Variants in ZMYND8 observed in about 807,000 individuals in gnomAD.
The protein encoded by ZMYND8 is zinc finger MYND-type containing 8.
Under a neutral mutation model 140.8 loss-of-function variants are expected in ZMYND8, and 37 were observed. That is an observed-to-expected ratio of 0.26 (90% CI 0.20 to 0.35). The LOEUF is 0.35. Ranked by LOEUF, ZMYND8 falls within the 10% of genes least tolerant of loss-of-function variation. The probability of loss-of-function intolerance (pLI) is 1.00; values close to 1 mark genes in which losing one functional copy is unlikely to be tolerated. For missense variants in ZMYND8, 1,068 were observed against 1,570.0 expected (o/e 0.68, Z 5.40); for synonymous variants, 592 against 597.1 (o/e 0.99, Z 0.12).
chr20:47,220,561 C>A (rs576323786), intron 20 of ZMYND8, among the ~76,000 whole-genome samples: 9 of 152,114 alleles, frequency 5.9e-5, no homozygotes, highest in Non-Finnish European at 4.4e-5. Flanking sequence ...CCTCACTGTA[C>A]CCTAGAACAT....
intron 1 of ZMYND8, chr20:47,349,920 G>A: frequency 6.5e-7 from 1 of 1,535,422 alleles, no homozygotes; most frequent in Non-Finnish European, 8.7e-7. Flanking sequence ...GAGGAAGGCT[G>A]CATTCAAGGG....
intron 2 of ZMYND8, among the ~76,000 whole-genome samples, chr20:47,312,812 G>C (rs886175852): frequency 6.6e-6 from 1 of 150,380 alleles, no homozygotes; most frequent in Non-Finnish European, 1.5e-5. Flanking sequence ...AAAAAAGAGA[G>C]AGAGGTGCAG....
intron 2 of ZMYND8, among the ~76,000 whole-genome samples, chr20:47,310,678 C>T (rs1468020674): frequency 6.7e-6 from 1 of 149,342 alleles, no homozygotes; most frequent in Non-Finnish European, 1.5e-5. Context: ...CCCAGCTACT[C>T]GGGAGGCTGA....
intron 2 of ZMYND8, among the ~76,000 whole-genome samples, chr20:47,329,297 TCTGTTCTCTATCAGTG>T (rs2080736711): frequency 6.6e-6 from 1 of 152,216 alleles, no homozygotes; most frequent in Admixed American, 6.5e-5. Flanking sequence ...ATGTTCTCGA[TCTGTTCTCTATCAGTG>T]CTGTCTAATA....
intron 3 of ZMYND8, among the ~76,000 whole-genome samples, chr20:47,306,962 T>C (rs1400148181): frequency 1.3e-5 from 2 of 152,064 alleles, no homozygotes; most frequent in Admixed American, 1.3e-4. Flanking sequence ...GGCCTGTGTC[T>C]AAAGGGGCAG....
At chr20:47,334,099 G>A (rs772847728) in intron 2 of ZMYND8, among the ~76,000 whole-genome samples, 19 of 152,166 alleles carry the variant, frequency 1.2e-4, no homozygotes, top group Non-Finnish European at 1.0e-4. Flanking sequence ...GTATAATAGT[G>A]TTGACTCTCT....
In ZMYND8 at chr20:47,287,362, A is replaced by C; in HGVS notation, c.749-78T>G. ...GCCTGGGGACTTTACTTCCGCTAACAATGTGTTTACTTGCTTTTCCCCCAG... is the reference window on the plus strand; with the variant it reads ...GCCTGGGGACTTTACTTCCGCTAACCATGTGTTTACTTGCTTTTCCCCCAG... On this transcript the variant is annotated intron_variant, in intron 7 of 22. Transcript: ENST00000471951. 2.4e-6 allele frequency: 3 copies of C among 1,237,470 alleles called. No homozygotes were observed. The Admixed American group carries it at 5.2e-5, about 21-fold the overall frequency. The allele number at this position is 1,237,470 out of a possible 1,614,324, so 76.7% of individuals were successfully genotyped here. A position where few individuals can be genotyped will look rare whatever the true frequency, so the allele number is the denominator to read the frequency against.
At chr20:47,343,516 C>G (rs986838716) in intron 2 of ZMYND8, among the ~76,000 whole-genome samples, 1 of 151,990 alleles carries the variant, frequency 6.6e-6, no homozygotes, top group African/African-American at 2.4e-5. Context: ...CAGAAGAATT[C>G]TAAATTTTTT....
At chr20:47,294,220 C>T (rs2077490254) in intron 5 of ZMYND8, among the ~76,000 whole-genome samples, 2 of 151,848 alleles carry the variant, frequency 1.3e-5, no homozygotes, top group Admixed American at 6.6e-5. Context: ...AGTGCGGTGG[C>T]GGGAGCCTGT....
chr20:47,339,100 G>A (rs2081620535), intron 2 of ZMYND8, among the ~76,000 whole-genome samples: 1 of 151,100 alleles, frequency 6.6e-6, no homozygotes, highest in South Asian at 2.1e-4. Flanking sequence ...AACCTCCCAA[G>A]TAGCTAGGAC....
chr20:47,278,647 AC>A (rs1190989364), intron 10 of ZMYND8, among the ~76,000 whole-genome samples: 38 of 152,236 alleles, frequency 2.5e-4, no homozygotes, highest in East Asian at 5.8e-4. Flanking sequence ...ACAAACTAAA[AC>A]TAAACACCCC....
rs1406995159 is a variant in ZMYND8 at position 47,209,774 on chromosome 20, G to A, written c.*987C>T. 1 of 152,494 alleles carries A rather than the reference G, an allele frequency of 6.6e-6. No individual in the cohort carries two copies. The highest frequency in any genetic ancestry group is 1.5e-5 in the Non-Finnish European group (1 of 68,012). The allele number at this position is 152,494 out of a possible 1,614,324, so 9.4% of individuals were successfully genotyped here. On this transcript the variant is annotated 3_prime_UTR_variant, in exon 23 of 23. Transcript: ENST00000471951. ...GACGGGCCTTGCTTTCTCTCATACT[G>A]CCTGTGTTTCATGCTTACATAAAAA...
chr20:47,276,730 G>C lies in ZMYND8; in HGVS notation c.1064C>G (p.Thr355Ser). The change falls in exon 11 of 23, where the codon ACT becomes AGT. Residue 355 changes from threonine to serine, a missense_variant. Coordinates refer to ENST00000471951, the MANE Select transcript of ZMYND8 (RefSeq NM_001281775.3). ...CATGGCACTGTTGAAGATGCTCTTA[G>C]TCTTTTTCACAGAAAAAGGAATTTC... Reference protein sequence around the residue: ...SKEIPFSVKKTKSIFNSAMQE... With the variant: ...SKEIPFSVKKSKSIFNSAMQE... The C allele has an allele frequency of 6.2e-7, 1 of 1,613,888 alleles. No individual in the cohort carries two copies. The highest frequency in any genetic ancestry group is 8.5e-7 in the Non-Finnish European group (1 of 1,179,994).
At chr20:47,330,817 T>C (rs765572108) in intron 2 of ZMYND8, among the ~76,000 whole-genome samples, 8 of 152,228 alleles carry the variant, frequency 5.3e-5, no homozygotes, top group Non-Finnish European at 1.2e-4. Context: ...ACCCATCTGA[T>C]AGAGCTAAAT....
rs200546458 is a variant in ZMYND8, at chr20:47,309,375, G to A, written c.234+681C>T. Among the ~76,000 whole-genome samples the A allele has an allele frequency of 8.6e-5, 13 of 151,728 alleles. No homozygotes were observed. The East Asian group carries it at 1.7e-3, about 20-fold the overall frequency. ...GGCTGGAGTGCAGTGGCGCGATCTC[G>A]GCTCACTGCAACCTCCGCCTCCCGG... On this transcript the variant is annotated intron_variant, in intron 3 of 22. Transcript: ENST00000471951.
At position 47,238,911 on chromosome 20, in the gene ZMYND8, C is replaced by A. The variant is rs781553445; in HGVS notation, c.2512G>T (p.Val838Leu). 2 of 1,614,124 alleles carry A rather than the reference C, an allele frequency of 1.2e-6. No homozygotes were observed. The highest frequency in any genetic ancestry group is 8.5e-7 in the Non-Finnish European group (1 of 1,180,048). Residue 838 changes from valine to leucine, a missense_variant, in exon 15 of 23, where the codon GTG becomes TTG. Physicochemically the swap from Val to Leu is conservative, Grantham distance 32. This residue lies in a region of ZMYND8 where 383 missense variants were observed against 431.2 expected (regional missense o/e 0.89). Coordinates refer to ENST00000471951, the MANE Select transcript of ZMYND8 (RefSeq NM_001281775.3). The part of the protein sequence containing the change: ...KETAPAVQRV[V>L]WNSSSKFQTS... ...TGAAACTTACTTGATGAGTTCCACA[C>A]GACCCGCTGCACGGCCGGGGCAGTC... is the stretch of plus-strand genomic sequence containing the variant.
chr20:47,325,793 G>GTT (rs201963632), intron 2 of ZMYND8, among the ~76,000 whole-genome samples: 5 of 146,930 alleles, frequency 3.4e-5, no homozygotes, highest in African/African-American at 1.3e-4. Context: ...ATTTTGTTTT[G>GTT]TTTTTTTTTT....
rs1166643111 is a variant in ZMYND8 at position 47,298,091 on chromosome 20, AT to A, written c.453+637del. 3.9e-5 allele frequency among the ~76,000 whole-genome samples: 6 copies of A among 152,222 alleles called. No individual in the cohort carries two copies. Among genetic ancestry groups the A allele is most frequent in the African/African-American group, 1.4e-4 (6 of 41,536 alleles). On this transcript the variant is annotated intron_variant, in intron 4 of 22. Transcript: ENST00000471951. The surrounding 1 kb of genome is among the most constrained non-coding windows in gnomAD (Gnocchi z 5.0). ...CACCTTGCACTCCCTTGGACCTCCT[AT>A]TCCCATCCTGAATTTGTTTTCTTCA...
chr20:47,345,506 CTTTTTT>C (rs528404084), intron 2 of ZMYND8, among the ~76,000 whole-genome samples: 1 of 137,458 alleles, frequency 7.3e-6, no homozygotes, highest in Admixed American at 7.4e-5. Context: ...ACCTGACCCA[CTTTTTT>C]TTTTTTTTTT....
Sources: allele counts gnomAD v4.1 joint callset (sites outside exome capture counted in the v4.1 genomes callset), GRCh38; gene constraint gnomAD v4.1.1; regional missense constraint gnomAD v4.1.1; non-coding constraint Gnocchi (gnomAD v3.1); transcripts MANE v1.5; gene names NCBI Gene and HGNC (gene_info 2026-07-23, HGNC 2026-07-21).